REXO1: variants seen among roughly 807,000 people sequenced by gnomAD.
REXO1 encodes the protein REX1, RNA exonuclease 1 homolog.
Under a neutral mutation model 102.6 loss-of-function variants are expected in REXO1, and 42 were observed. The ratio of observed to expected loss-of-function variants is 0.41; its 90% CI spans 0.32 to 0.53. The LOEUF is 0.53. Among genes scored for constraint, REXO1 ranks in the 20% least tolerant of loss-of-function variants. The pLI is 0.27. For synonymous variants in REXO1, 908 were observed against 779.1 expected, an observed-to-expected ratio of 1.17 and a Z score of -2.76; for missense variants, 1,819 against 1,732.5, an observed-to-expected ratio of 1.05 and a Z score of -0.89.
At position 1,823,724 on chromosome 19, in the gene REXO1, A is replaced by G. The variant is rs2069619923; in HGVS notation, c.2078T>C (p.Val693Ala). Residue 693 changes from valine to alanine, a missense_variant, in exon 4 of 16, where the codon GTG (valine) becomes GCG (alanine). Val to Ala is a moderately conservative substitution (Grantham distance 64). Coordinates refer to ENST00000170168, the MANE Select transcript of REXO1 (RefSeq NM_020695.4). Reference protein sequence around the residue: ...PPARPPTAQEVCYLRAQQAQR... With the variant: ...PPARPPTAQEACYLRAQQAQR... Reference sequence around the variant, plus strand: ...CGCCTGCTGGGCCCGCAGGTAGCACACCTCCTGCGCCGTCGGGGGCCGGGC... The same window carrying G: ...CGCCTGCTGGGCCCGCAGGTAGCACGCCTCCTGCGCCGTCGGGGGCCGGGC... 1 of 1,268,794 alleles carries G rather than the reference A, an allele frequency of 7.9e-7. No homozygotes were observed. Among genetic ancestry groups the G allele is most frequent in the Non-Finnish European group, 1.0e-6 (1 of 1,000,232 alleles). The allele number at this position is 1,268,794 out of a possible 1,614,324, so 78.6% of individuals were successfully genotyped here. A position where few individuals can be genotyped will look rare whatever the true frequency, so the allele number is the denominator to read the frequency against.
chr19:1,837,576 G>C (rs139460881), intron 1 of REXO1, among the ~76,000 whole-genome samples: 185 of 152,278 alleles, frequency 1.2e-3, no homozygotes, highest in African/African-American at 4.4e-3. Flanking sequence ...ATCCAAGGTG[G>C]CCCAGCTCTG....
At position 1,826,043 on chromosome 19, in the gene REXO1, T is replaced by A; in HGVS notation, c.1912-100A>T. On this transcript the variant is annotated intron_variant, in intron 2 of 15. Coordinates refer to ENST00000170168, the MANE Select transcript of REXO1 (RefSeq NM_020695.4). This position sits in a 1 kb window ranked among gnomAD's most constrained non-coding sequence, Gnocchi z 4.3. ...CCCCGGCAAGTGGGGAATGGAACAG[T>A]CCAGCCCCCAGGCACAGCAGCTGAG... 1 of 816,084 alleles carries A rather than the reference T, an allele frequency of 1.2e-6. No individual in the cohort carries two copies. The highest frequency in any genetic ancestry group is 2.1e-6 in the Non-Finnish European group (1 of 481,058). 50.6% of individuals were successfully genotyped at this position (816,084 alleles called of 1,614,324 possible).
At position 1,823,636 on chromosome 19, in the gene REXO1, G is replaced by A. The variant is rs979556949; in HGVS notation, c.2166C>T (p.Val722=). 2 of 1,309,778 alleles carry A rather than the reference G, an allele frequency of 1.5e-6. No homozygotes were observed. Among genetic ancestry groups the A allele is most frequent in the Non-Finnish European group, 2.0e-6 (2 of 1,020,862 alleles). The allele number at this position is 1,309,778 out of a possible 1,614,324, so 81.1% of individuals were successfully genotyped here. ...TCTTCTCGCCAGGGGCGGAAATGTG[G>A]ACGGAGGGCGACTTCTCTGCCAGCC... The part of the protein sequence containing the change: ...PARLAEKSPS[V]HISAPGEKRR... The change falls in exon 4 of 16, where the codon GTC becomes GTT. Residue 722 remains valine (V), a synonymous_variant. Transcript: ENST00000170168.
intron 5 of REXO1, 68 bp downstream of exon 5, chr19:1,821,450 GT>G: frequency 6.3e-7 from 1 of 1,589,936 alleles, no homozygotes; most frequent in Non-Finnish European, 8.6e-7. Flanking sequence ...CCCTCCGCAG[GT>G]CCCATGTGGC....
chr19:1,836,474 G>A lies in REXO1; in HGVS notation c.158-7843C>T, dbSNP rs552075200. On this transcript the variant is annotated intron_variant, in intron 1 of 15. Transcript: ENST00000170168. Reference sequence around the variant, plus strand: ...AGAACCCGGCAGGCTGGCTGGACACGATGGCTCATGCCTGTAATCCCAGCA... The same window carrying A: ...AGAACCCGGCAGGCTGGCTGGACACAATGGCTCATGCCTGTAATCCCAGCA... Among the ~76,000 whole-genome samples, 295 of 151,614 alleles carry A rather than the reference G, an allele frequency of 1.9e-3. 4 individuals carry two copies. Among genetic ancestry groups the A allele is most frequent in the African/African-American group, 6.3e-3 (260 of 41,326 alleles).
At chr19:1,824,118 TG>T (rs1250672284) in intron 3 of REXO1, 3 of 243,376 alleles carry the variant, frequency 1.2e-5, no homozygotes, top group Non-Finnish European at 2.4e-5. Context: ...GCCCCTCCTC[TG>T]GGGAGGCTCT....
At chr19:1,823,492 G>T in intron 4 of REXO1, 80 bp downstream of exon 4, 1 of 1,042,378 alleles carries the variant, frequency 9.6e-7, no homozygotes, top group Non-Finnish European at 1.3e-6. Context: ...GTTCAGGTGA[G>T]CTCAGAGACC....
intron 1 of REXO1, among the ~76,000 whole-genome samples, chr19:1,839,615 C>T (rs772784679): frequency 1.6e-4 from 24 of 152,344 alleles, no homozygotes; most frequent in Middle Eastern, 3.4e-3. Context: ...CAATGTGGGC[C>T]GACCCCGGCC....
rs1393191456 is a variant in REXO1, at chr19:1,848,275, G to A, written c.84C>T (p.Tyr28=). The A allele has an allele frequency of 1.5e-5, 19 of 1,232,522 alleles. No homozygotes were observed. The highest frequency in any genetic ancestry group is 6.2e-4 in the Middle Eastern group (2 of 3,208). The allele number at this position is 1,232,522 out of a possible 1,614,324, so 76.3% of individuals were successfully genotyped here. A position where few individuals can be genotyped will look rare whatever the true frequency, so the allele number is the denominator to read the frequency against. ...GAPGGPCRRP[Y]CHFRHRGARG... ...GGGCCCCGCGGTGCCGGAAGTGGCA[G>A]TAGGGCCGCCGGCAGGGCCCCCCGG... The change falls in exon 1 of 16, where the codon TAC becomes TAT. Residue 28 remains tyrosine, a synonymous_variant. Transcript: ENST00000170168.
intron 4 of REXO1, 121 bp from the exon 5 acceptor site, chr19:1,821,803 C>T (rs750325817): frequency 4.5e-6 from 4 of 886,800 alleles, no homozygotes; most frequent in Admixed American, 2.8e-5. Context: ...TGCAGGGGGC[C>T]GGGCCAGGGT....
chr19:1,832,121 G>C (rs935259075), intron 1 of REXO1, among the ~76,000 whole-genome samples: 31 of 152,306 alleles, frequency 2.0e-4, no homozygotes, highest in South Asian at 1.7e-3. Context: ...AGGCAGGAGG[G>C]TGAGAGTCAG....
rs529877675 is a variant in REXO1, at chr19:1,817,634, G to C, written c.3090+73C>G. On this transcript the variant is annotated intron_variant, in intron 11 of 15. Transcript: ENST00000170168. The stretch of plus-strand genomic sequence containing the variant: ...AGCCCAGGACTGTGCTGTGTCCCGA[G>C]ACCCCACACCAACGATGGGGAGGCA... 2.3e-5 allele frequency: 35 copies of C among 1,509,820 alleles called. No individual in the cohort carries two copies. In the Admixed American group the frequency reaches 3.9e-4, roughly 17 times the overall value. The allele number at this position is 1,509,820 out of a possible 1,614,324, so 93.5% of individuals were successfully genotyped here.
At chr19:1,817,483 C>T (rs1277656735) in intron 11 of REXO1, 154 bp from the exon 12 acceptor site, 4 of 1,473,962 alleles carry the variant, frequency 2.7e-6, no homozygotes, top group East Asian at 2.5e-5. Flanking sequence ...GGGAAGGGGG[C>T]TTGCCAAGAA....
At chr19:1,817,902 A>C in intron 10 of REXO1, 122 bp from the exon 11 acceptor site, 2 of 737,078 alleles carry the variant, frequency 2.7e-6, no homozygotes, top group Non-Finnish European at 4.5e-6. Context: ...AGGAGGCCTC[A>C]GCCTCTTGGT....
rs556325488 is a variant in REXO1 at position 1,823,584 on chromosome 19, G to A, written c.2218C>T (p.Arg740Cys). 40 of 1,317,768 alleles carry A rather than the reference G, an allele frequency of 3.0e-5. No homozygotes were observed. Among genetic ancestry groups the A allele is most frequent in the African/African-American group, 1.7e-4 (11 of 65,676 alleles). The allele number at this position is 1,317,768 out of a possible 1,614,324, so 81.6% of individuals were successfully genotyped here. A position where few individuals can be genotyped will look rare whatever the true frequency, so the allele number is the denominator to read the frequency against. The change falls in exon 4 of 16, where the codon CGC becomes TGC. Residue 740 changes from arginine (R) to cysteine (C), a missense_variant. Coordinates refer to ENST00000170168, the MANE Select transcript of REXO1 (RefSeq NM_020695.4). ...GGCCAGGACTCACCTGCAGCCAGGC[G>A]GGGGTTGGGGATGTGGGCGATCCTC... ...KRRIAHIPNP[R>C]LAAAPTGAKR...
rs747655271 is a variant in REXO1, at chr19:1,828,290, G to A, written c.499C>T (p.Pro167Ser). The change falls in exon 2 of 16, where the codon CCC becomes TCC. Residue 167 changes from proline to serine, a missense_variant. Transcript: ENST00000170168. ...GLLSPDAGYQ[P>S]TPLAAPAEPG... ...TCGGCAGGGGCGGCCAGTGGGGTGG[G>A]CTGGTAGCCGGCATCAGGGCTTAAT... 1.0e-5 allele frequency: 16 copies of A among 1,607,266 alleles called. No individual in the cohort carries two copies. In the East Asian group the frequency reaches 3.6e-4, roughly 36 times the overall value.
chr19:1,822,557 G>C (rs940195646), intron 4 of REXO1: 1 of 152,328 alleles, frequency 6.6e-6, no homozygotes, highest in African/African-American at 2.4e-5. Flanking sequence ...CAGGCGGCGG[G>C]CCCCAAGGGC....
At chr19:1,841,213 T>C (rs988980233) in intron 1 of REXO1, among the ~76,000 whole-genome samples, 27 of 152,088 alleles carry the variant, frequency 1.8e-4, no homozygotes, top group African/African-American at 5.6e-4. Flanking sequence ...CTACCCTGTT[T>C]ATTTTCTTTT....
chr19:1,820,423 G>A (rs952211841), intron 5 of REXO1, 28 bp from the exon 6 acceptor site: 2 of 1,610,302 alleles, frequency 1.2e-6, no homozygotes, highest in African/African-American at 1.3e-5. Context: ...GCTGCCATGG[G>A]TGAGGGCCTC....
Sources: gnomAD v4.1 joint callset for allele counts (sites outside exome capture counted in the v4.1 genomes callset) on GRCh38, gnomAD v4.1.1 for gene constraint, Gnocchi (gnomAD v3.1) non-coding constraint, MANE v1.5 for transcripts, NCBI Gene and HGNC (gene_info 2026-07-23, HGNC 2026-07-21) for gene names.